KRIT1: variants seen among roughly 807,000 people sequenced by gnomAD.
KRIT1 encodes the protein krev interaction trapped protein 1.
KRIT1 carries 45 observed loss-of-function variants against 95.8 expected under a neutral mutation model. The ratio of observed to expected loss-of-function variants is 0.47; its 90% CI spans 0.37 to 0.60. The LOEUF (loss-of-function observed/expected upper bound fraction) is 0.60, where lower values mean the gene tolerates loss of function less well. Among genes scored for constraint, KRIT1 ranks in the 20% least tolerant of loss-of-function variants. KRIT1 has a pLI of 0.00. For missense variants in KRIT1, 788 were observed against 877.5 expected, an observed-to-expected ratio of 0.90 and a Z score of 1.29; for synonymous variants, 282 against 278.8, an observed-to-expected ratio of 1.01 and a Z score of -0.11.
chr7:92,210,861 T>C (rs1301083880), intron 17 of KRIT1, among the ~76,000 whole-genome samples: 1 of 152,062 alleles, frequency 6.6e-6, no homozygotes, highest in Admixed American at 6.6e-5. Context: ...CATTATAAAG[T>C]AGGCAATGAT....
At chr7:92,214,890 GT>G in intron 14 of KRIT1, 113 bp from the exon 15 acceptor site, 2 of 753,798 alleles carry the variant, frequency 2.7e-6, no homozygotes, top group South Asian at 3.3e-5. Flanking sequence ...AGCTGTTACT[GT>G]TTTGAGCAGA....
In KRIT1 at chr7:92,240,999, T is replaced by C. The variant is rs1585022043; in HGVS notation, c.256A>G (p.Ile86Val). 3 of 1,608,494 alleles carry C rather than the reference T, an allele frequency of 1.9e-6. No individual in the cohort carries two copies. In the South Asian group the frequency reaches 3.3e-5, roughly 18 times the overall value. Residue 86 changes from isoleucine to valine, a missense_variant, in exon 5 of 19, where the codon ATC (isoleucine) becomes GTC (valine). Ile to Val is a conservative substitution (Grantham distance 29). This residue lies in a region of KRIT1 where 289 missense variants were observed against 277.5 expected (regional missense o/e 1.04). Transcript: ENST00000394505. Reference sequence around the variant, plus strand: ...TAAAAAAGAAGTTTCCTACCTCTGATACCCTGGTTTGCAGGAGAAATTGGT... The same window carrying C: ...TAAAAAAGAAGTTTCCTACCTCTGACACCCTGGTTTGCAGGAGAAATTGGT... ...TKPISPANQG[I>V]RGKRVVLMKK...
intron 15 of KRIT1, 44 bp downstream of exon 15, chr7:92,214,567 A>T (rs1793557903): frequency 6.9e-7 from 1 of 1,440,568 alleles, no homozygotes; most frequent in Non-Finnish European, 9.8e-7. Context: ...GTTAAACAGA[A>T]TCTTAAGCAT....
chr7:92,215,274 A>T (rs1793718813), intron 14 of KRIT1, among the ~76,000 whole-genome samples: 1 of 152,152 alleles, frequency 6.6e-6, no homozygotes, highest in South Asian at 2.1e-4. Context: ...ATTTTACCTA[A>T]ATTTTTGTAT....
chr7:92,226,171 A>C (rs1462234013), intron 11 of KRIT1, among the ~76,000 whole-genome samples: 2 of 152,116 alleles, frequency 1.3e-5, no homozygotes, highest in Non-Finnish European at 2.9e-5. Context: ...GTTTTTGGAG[A>C]AATACAATAT....
chr7:92,214,295 G>T (rs1793487605), intron 15 of KRIT1, among the ~76,000 whole-genome samples: 1 of 151,958 alleles, frequency 6.6e-6, no homozygotes, highest in African/African-American at 2.4e-5. Flanking sequence ...TTTATGGTGG[G>T]ATTCTTAAGT....
chr7:92,234,833 T>C lies in KRIT1; in HGVS notation c.820A>G (p.Ser274Gly). 1 of 1,605,484 alleles carries C rather than the reference T, an allele frequency of 6.2e-7. No homozygotes were observed. Among genetic ancestry groups the C allele is most frequent in the Non-Finnish European group, 8.5e-7 (1 of 1,172,132 alleles). The change falls in exon 9 of 19, where the codon AGC becomes GGC. Residue 274 changes from serine to glycine, a missense_variant. Physicochemically the swap from Ser to Gly is moderately conservative, Grantham distance 56. Around this residue, in one of 3 missense-constraint regions of KRIT1, gnomAD observed 493 missense variants for 582.3 expected, o/e 0.85. Coordinates refer to ENST00000394505, the MANE Select transcript of KRIT1 (RefSeq NM_194454.3). ...QIPKQEKWQR[S>G]MSSVTEDKER... The stretch of plus-strand genomic sequence containing the variant: ...TTGTCTTCTGTGACACTGCTCATGC[T>C]TCTCTGCCATTTTTCCTGTTTAGGT...
At chr7:92,222,726 T>C in intron 13 of KRIT1, 96 bp downstream of exon 13, 1 of 761,534 alleles carries the variant, frequency 1.3e-6, no homozygotes. Context: ...ATTTCAAAAT[T>C]TAAGAGTCAA....
At chr7:92,225,685 C>T (rs1230875515) in intron 12 of KRIT1, 35 bp downstream of exon 12, 1 of 1,103,572 alleles carries the variant, frequency 9.1e-7, no homozygotes, top group Admixed American at 1.7e-5. Context: ...AATTTAAATA[C>T]TATGCCTGGC....
chr7:92,237,150 G>T (rs946880939), intron 6 of KRIT1, among the ~76,000 whole-genome samples: 59 of 152,084 alleles, frequency 3.9e-4, no homozygotes, highest in African/African-American at 1.4e-3. Context: ...AAAATTATAG[G>T]CTGCAAGGTC....
chr7:92,200,153 CT>C lies in KRIT1; in HGVS notation c.*582del, dbSNP rs1222128361. The C allele has an allele frequency of 1.3e-5, 2 of 152,608 alleles. No individual in the cohort carries two copies. Among genetic ancestry groups the C allele is most frequent in the Non-Finnish European group, 2.9e-5 (2 of 68,142 alleles). The allele number at this position is 152,608 out of a possible 1,614,324, so 9.5% of individuals were successfully genotyped here. A position where few individuals can be genotyped will look rare whatever the true frequency, so the allele number is the denominator to read the frequency against. ...ATTCCTTACCATTTACCAAAAATAACTTTTTATAAAGCTTACTATTTTGTCT... is the reference window on the plus strand; with the variant it reads ...ATTCCTTACCATTTACCAAAAATAACTTTTATAAAGCTTACTATTTTGTCT... On this transcript the variant is annotated 3_prime_UTR_variant, in exon 19 of 19. Transcript: ENST00000394505.
chr7:92,209,771 T>C (rs1792363826), intron 17 of KRIT1, among the ~76,000 whole-genome samples: 1 of 152,082 alleles, frequency 6.6e-6, no homozygotes, highest in South Asian at 2.1e-4. Context: ...ATTGTTAAAA[T>C]AGCAATATAG....
At chr7:92,233,924 A>G (rs1349309769) in intron 10 of KRIT1, among the ~76,000 whole-genome samples, 1 of 152,240 alleles carries the variant, frequency 6.6e-6, no homozygotes, top group Non-Finnish European at 1.5e-5. Context: ...TAGTGGAAAG[A>G]GCTAACCCCA....
chr7:92,215,139 G>A (rs977363786), intron 14 of KRIT1, among the ~76,000 whole-genome samples: 4 of 151,746 alleles, frequency 2.6e-5, no homozygotes, highest in African/African-American at 7.3e-5. Context: ...ATCAAAAAAC[G>A]TAAAAAAAAT....
chr7:92,243,731 A>G (rs1800208112), intron 3 of KRIT1, among the ~76,000 whole-genome samples: 1 of 152,134 alleles, frequency 6.6e-6, no homozygotes, highest in Admixed American at 6.5e-5. Flanking sequence ...TTAGCCTAAG[A>G]TTAAAACAAC....
chr7:92,209,407 G>A (rs1584765850), intron 17 of KRIT1, among the ~76,000 whole-genome samples: 1 of 152,132 alleles, frequency 6.6e-6, no homozygotes, highest in Non-Finnish European at 1.5e-5. Flanking sequence ...TTGGTAAACA[G>A]GAAGTCAAAC....
At chr7:92,227,340 G>A (rs1414126618) in intron 10 of KRIT1, among the ~76,000 whole-genome samples, 5 of 152,224 alleles carry the variant, frequency 3.3e-5, no homozygotes, top group Admixed American at 6.5e-5. Context: ...AGAGGCAGGC[G>A]GATCACAAGG....
intron 11 of KRIT1, 54 bp downstream of exon 11, chr7:92,226,472 T>C: frequency 7.7e-7 from 1 of 1,296,946 alleles, no homozygotes; most frequent in Non-Finnish European, 1.1e-6. Flanking sequence ...TTAGTGTCAT[T>C]ACTTGTTATT....
At chr7:92,210,191 CTAAA>C (rs966017010) in intron 17 of KRIT1, among the ~76,000 whole-genome samples, 4 of 151,946 alleles carry the variant, frequency 2.6e-5, no homozygotes, top group Admixed American at 6.6e-5. Context: ...AAAAAAAATT[CTAAA>C]ATTCATTTGG....
Sources: gnomAD v4.1 joint callset for allele counts (sites outside exome capture counted in the v4.1 genomes callset) on GRCh38, gnomAD v4.1.1 for gene constraint, gnomAD v4.1.1 regional missense constraint, MANE v1.5 for transcripts, NCBI Gene and HGNC (gene_info 2026-07-23, HGNC 2026-07-21) for gene names.